Variants in ZNF85 observed in about 807,000 individuals in gnomAD.
The protein encoded by ZNF85 is zinc finger protein 85 (HPF4, HTF1).
A neutral mutation model predicts 53.9 loss-of-function variants in ZNF85; 50 were observed. That is an observed-to-expected ratio of 0.93 (90% CI 0.74 to 1.17). The LOEUF is 1.17. Among genes scored for constraint, ZNF85 ranks in the 50% most tolerant of loss-of-function variants. ZNF85 has a pLI of 0.00. For missense variants in ZNF85, 747 were observed against 688.5 expected (o/e 1.08, Z -0.95); for synonymous variants, 225 against 226.1 (o/e 1.00, Z 0.04).
At chr19:20,942,378 A>G (rs1430056514) in intron 3 of ZNF85, among the ~76,000 whole-genome samples, 4 of 151,968 alleles carry the variant, frequency 2.6e-5, no homozygotes, top group Non-Finnish European at 5.9e-5. Flanking sequence ...TCCTGACCTC[A>G]TGATCCACCT....
rs1568558826 is a variant in ZNF85 at position 20,950,277 on chromosome 19, A to T, written c.1763A>T (p.His588Leu). The T allele has an allele frequency of 6.5e-7, 1 of 1,536,622 alleles. No individual in the cohort carries two copies. Among genetic ancestry groups the T allele is most frequent in the Non-Finnish European group, 8.7e-7 (1 of 1,146,492 alleles). Residue 588 changes from histidine to leucine, a missense_variant, in exon 4 of 4, where the codon CAT becomes CTT. Transcript: ENST00000328178. The part of the protein sequence containing the change: ...SSVLTKHKII[H>L]TGEKLQI ...GTCCTTACTAAACATAAGATAATTC[A>T]TACCGGAGAAAAATTACAAATATGA...
intron 3 of ZNF85, chr19:20,942,931 A>G (rs1023313566): frequency 2.9e-5 from 17 of 581,762 alleles, no homozygotes; most frequent in Non-Finnish European, 4.9e-5. Flanking sequence ...ATGCAGTACT[A>G]TGCCTGGCTA....
chr19:20,944,544 G>A (rs920528684), intron 3 of ZNF85, among the ~76,000 whole-genome samples: 1 of 148,662 alleles, frequency 6.7e-6, no homozygotes, highest in East Asian at 1.9e-4. Flanking sequence ...TTTTCAAGTA[G>A]TATTGGTTAA....
chr19:20,940,169 T>C (rs1973262019), intron 3 of ZNF85, among the ~76,000 whole-genome samples: 1 of 152,172 alleles, frequency 6.6e-6, no homozygotes, highest in Non-Finnish European at 1.5e-5. Flanking sequence ...CTATATTGTT[T>C]TCAGTTTTTT....
intron 3 of ZNF85, chr19:20,942,696 C>T: frequency 1.7e-6 from 1 of 573,144 alleles, no homozygotes; most frequent in Non-Finnish European, 3.1e-6. Context: ...TCCAGTTTTG[C>T]TTTTAATTCC....
chr19:20,947,238 G>A (rs1270177137), intron 3 of ZNF85, among the ~76,000 whole-genome samples: 1 of 151,662 alleles, frequency 6.6e-6, no homozygotes, highest in African/African-American at 2.4e-5. Flanking sequence ...TATTGATGTT[G>A]CTAATTATAT....
chr19:20,924,342 T>G (rs1192781768), intron 1 of ZNF85, among the ~76,000 whole-genome samples: 2 of 152,328 alleles, frequency 1.3e-5, no homozygotes, highest in East Asian at 3.9e-4. Flanking sequence ...ATTGGCAGTT[T>G]ATAGTTGGTT....
At chr19:20,945,224 A>T (rs56216536) in intron 3 of ZNF85, among the ~76,000 whole-genome samples, 1 of 152,114 alleles carries the variant, frequency 6.6e-6, no homozygotes, top group Non-Finnish European at 1.5e-5. Flanking sequence ...TTTGCAACAT[A>T]TCACCAAAAT....
At chr19:20,930,824 G>A (rs1972999346) in intron 1 of ZNF85, among the ~76,000 whole-genome samples, 1 of 152,198 alleles carries the variant, frequency 6.6e-6, no homozygotes, top group South Asian at 2.1e-4. Flanking sequence ...CCAGACTGGA[G>A]TGCAATGGCA....
At chr19:20,933,745 T>C (rs1429703201) in intron 1 of ZNF85, among the ~76,000 whole-genome samples, 1 of 152,192 alleles carries the variant, frequency 6.6e-6, no homozygotes, top group East Asian at 1.9e-4. Flanking sequence ...TACTATATCA[T>C]CCAGAAAAGT....
chr19:20,947,113 C>A (rs1322134297), intron 3 of ZNF85, among the ~76,000 whole-genome samples: 2 of 150,252 alleles, frequency 1.3e-5, no homozygotes, highest in Non-Finnish European at 3.0e-5. Flanking sequence ...TTTTGTGGTA[C>A]CTTGGGGTTT....
At chr19:20,944,716 T>G (rs55848071) in intron 3 of ZNF85, among the ~76,000 whole-genome samples, 17,095 of 151,762 alleles carry the variant, frequency 0.11, 990 homozygotes, top group Non-Finnish European at 0.13. Context: ...GTTTTAATTT[T>G]GTTTTGCACT....
chr19:20,937,292 AG>A, intron 3 of ZNF85: 1 of 455,088 alleles, frequency 2.2e-6, no homozygotes, highest in African/African-American at 2.0e-5. Flanking sequence ...AGCCTCCCAA[AG>A]TGCTTGGATT....
rs1355199093 is a variant in ZNF85, at chr19:20,931,608, CTTTTTCTTTTTCTTT to C, written c.4-2410_4-2396del. 3.8e-3 allele frequency among the ~76,000 whole-genome samples: 502 copies of C among 131,530 alleles called. 1 individual carries two copies. Among genetic ancestry groups the C allele is most frequent in the African/African-American group, 0.015 (466 of 31,008 alleles). The allele number at this position is 131,530 out of a possible 152,430, so 86.3% of individuals were successfully genotyped here. ...AGCAATGTGGCCATATTTTCTTTTT[CTTTTTCTTTTTCTTT>C]TTTTTTTTTTTTTTTTGAGGTGCAG... On this transcript the variant is annotated intron_variant, in intron 1 of 3. Coordinates refer to ENST00000328178, the MANE Select transcript of ZNF85 (RefSeq NM_003429.5).
chr19:20,940,827 A>G (rs1222733395), intron 3 of ZNF85, among the ~76,000 whole-genome samples: 1 of 152,182 alleles, frequency 6.6e-6, no homozygotes, highest in Non-Finnish European at 1.5e-5. Context: ...AATTGTTACA[A>G]GATAATCTGT....
intron 1 of ZNF85, chr19:20,927,795 A>G (rs538241882): frequency 6.5e-6 from 1 of 152,730 alleles, no homozygotes; most frequent in African/African-American, 2.4e-5. Context: ...AGGCAGAAGA[A>G]TCGCTTGAAC....
chr19:20,935,107 G>A, intron 3 of ZNF85, 60 bp downstream of exon 3: 2 of 1,103,356 alleles, frequency 1.8e-6, no homozygotes, highest in African/African-American at 1.6e-5. Flanking sequence ...AGGCCAAAGA[G>A]AAAGCCAGTC....
chr19:20,935,367 A>G (rs772273064), intron 3 of ZNF85, among the ~76,000 whole-genome samples: 50 of 152,198 alleles, frequency 3.3e-4, no homozygotes, highest in Non-Finnish European at 5.6e-4. Flanking sequence ...AAATATCTGC[A>G]TAATTTTGAA....
intron 3 of ZNF85, among the ~76,000 whole-genome samples, chr19:20,938,682 AG>A (rs1177449063): frequency 1.3e-5 from 2 of 152,356 alleles, no homozygotes; most frequent in African/African-American, 2.4e-5. Context: ...TACAATTAGT[AG>A]GCACTCCATA....
Sources: gnomAD v4.1 joint callset for allele counts (sites outside exome capture counted in the v4.1 genomes callset) on GRCh38, gnomAD v4.1.1 for gene constraint, MANE v1.5 for transcripts, NCBI Gene and HGNC (gene_info 2026-07-23, HGNC 2026-07-21) for gene names.